Variants in EEFSEC observed in about 807,000 individuals in gnomAD.
EEFSEC encodes eukaryotic elongation factor, selenocysteine-tRNA specific.
Under a neutral mutation model 42.1 loss-of-function variants are expected in EEFSEC, and 43 were observed. The observed-to-expected ratio is 1.02, with a 90% confidence interval of 0.80 to 1.32. The LOEUF (loss-of-function observed/expected upper bound fraction) is 1.32, where lower values mean the gene tolerates loss of function less well. EEFSEC is among the 40% of genes most tolerant of loss of function. The probability of loss-of-function intolerance (pLI) is 0.00; values close to 1 mark genes in which losing one functional copy is unlikely to be tolerated. For synonymous variants in EEFSEC, 354 were observed against 339.1 expected (o/e 1.04, Z -0.48); for missense variants, 745 against 803.6 (o/e 0.93, Z 0.88).
chr3:128,404,703 C>A (rs1463137202), intron 6 of EEFSEC, among the ~76,000 whole-genome samples: 1 of 152,248 alleles, frequency 6.6e-6, no homozygotes, highest in Non-Finnish European at 1.5e-5. Context: ...GGGGGCAGAC[C>A]ACCTAGGTAT....
chr3:128,231,792 C>T (rs2065961426), intron 1 of EEFSEC, among the ~76,000 whole-genome samples: 1 of 152,176 alleles, frequency 6.6e-6, no homozygotes, highest in South Asian at 2.1e-4. Context: ...TTCAGCACTG[C>T]TGGGAAGGCT....
At chr3:128,219,179 C>T (rs2065839464) in intron 1 of EEFSEC, among the ~76,000 whole-genome samples, 1 of 152,258 alleles carries the variant, frequency 6.6e-6, no homozygotes, top group African/African-American at 2.4e-5. Flanking sequence ...CAGTGCTATC[C>T]TGGCCCCAGC....
In EEFSEC at chr3:128,272,219, C is replaced by T. The variant is rs34098422; in HGVS notation, c.786+7438C>T. On this transcript the variant is annotated intron_variant, in intron 4 of 6. Transcript: ENST00000254730. ...CCTTCAAATCCAAGATGCAGTGCTACTTGTGGTTGACTCCTGAACATCACG... is the reference window on the plus strand; with the variant it reads ...CCTTCAAATCCAAGATGCAGTGCTATTTGTGGTTGACTCCTGAACATCACG... 2.3e-3 allele frequency among the ~76,000 whole-genome samples: 352 copies of T among 152,340 alleles called. 2 individuals carry two copies. The highest frequency in any genetic ancestry group is 8.1e-3 in the African/African-American group (335 of 41,582).
rs1305466963 is a variant in EEFSEC at position 128,376,606 on chromosome 3, C to T, written c.1600+18233C>T. Among the ~76,000 whole-genome samples, 3 of 152,158 alleles carry T rather than the reference C, an allele frequency of 2.0e-5. No individual in the cohort carries two copies. The East Asian group carries it at 5.8e-4, about 29-fold the overall frequency. ...GGTGGGATTTGAAGGACCTCTGTCC[C>T]TTCAGCCATTGAAAACTGTTCCTCT... On this transcript the variant is annotated intron_variant, in intron 6 of 6. Transcript: ENST00000254730.
intron 1 of EEFSEC, among the ~76,000 whole-genome samples, chr3:128,234,354 A>AT (rs947462460): frequency 1.3e-5 from 2 of 151,950 alleles, no homozygotes; most frequent in African/African-American, 4.8e-5. Flanking sequence ...CTCCCAGCCC[A>AT]TTTTTTTCAT....
intron 4 of EEFSEC, among the ~76,000 whole-genome samples, chr3:128,300,385 C>T (rs968086901): frequency 5.3e-5 from 8 of 152,016 alleles, no homozygotes; most frequent in African/African-American, 1.7e-4. Context: ...GGGTGGATCA[C>T]GAGGTCAAGA....
intron 4 of EEFSEC, among the ~76,000 whole-genome samples, chr3:128,295,171 C>G (rs1419748550): frequency 6.6e-6 from 1 of 152,192 alleles, no homozygotes; most frequent in African/African-American, 2.4e-5. Context: ...CCAGGCACCC[C>G]CAAAATGTTT....
In EEFSEC at chr3:128,341,748, T is replaced by C; in HGVS notation, c.1302T>C (p.Asp434=). 6.2e-7 allele frequency: 1 copy of C among 1,614,104 alleles called. No individual in the cohort carries two copies. The highest frequency in any genetic ancestry group is 2.2e-5 in the East Asian group (1 of 44,888). ...GCCTGGTGATTGGCTCCAGGCTAGA[T>C]GCGGACATTCACACCAACACGTGCC... The part of the protein sequence containing the change: ...RLCLVIGSRL[D]ADIHTNTCRL... The change falls in exon 5 of 7, where the codon GAT becomes GAC. Residue 434 remains aspartate, a synonymous_variant. Coordinates refer to ENST00000254730, the MANE Select transcript of EEFSEC (RefSeq NM_021937.5).
intron 4 of EEFSEC, among the ~76,000 whole-genome samples, chr3:128,320,081 C>A (rs1156662225): frequency 6.6e-6 from 1 of 152,216 alleles, no homozygotes; most frequent in Non-Finnish European, 1.5e-5. Context: ...CTGCAGCCTG[C>A]CACCTGTTTT....
intron 1 of EEFSEC, among the ~76,000 whole-genome samples, chr3:128,169,554 C>T (rs899347413): frequency 3.3e-5 from 5 of 152,182 alleles, no homozygotes; most frequent in Non-Finnish European, 7.3e-5. Flanking sequence ...CATCCTTAGT[C>T]TTATTTCTGG....
rs116497848 is a variant in EEFSEC, at chr3:128,294,801, A to G, written c.786+30020A>G. Reference sequence around the variant, plus strand: ...AGGATTGGAAGATGCCATTCCAGACAGTTGGAATGGCAGACTGTTCTGATA... The same window carrying G: ...AGGATTGGAAGATGCCATTCCAGACGGTTGGAATGGCAGACTGTTCTGATA... On this transcript the variant is annotated intron_variant, in intron 4 of 6. Coordinates refer to ENST00000254730, the MANE Select transcript of EEFSEC (RefSeq NM_021937.5). 4.2e-3 allele frequency among the ~76,000 whole-genome samples: 642 copies of G among 152,340 alleles called. 6 individuals carry two copies. The highest frequency in any genetic ancestry group is 0.02 in the Middle Eastern group (6 of 294).
chr3:128,298,115 T>G (rs1162425566), intron 4 of EEFSEC, among the ~76,000 whole-genome samples: 2 of 152,258 alleles, frequency 1.3e-5, no homozygotes, highest in Non-Finnish European at 2.9e-5. Flanking sequence ...GGCATATGCC[T>G]GGATCATCTT....
intron 5 of EEFSEC, among the ~76,000 whole-genome samples, chr3:128,348,269 T>C (rs868479390): frequency 3.0e-5 from 4 of 133,028 alleles, no homozygotes; most frequent in East Asian, 2.3e-4. Context: ...TGTGTGTGTG[T>C]GCGTGTGCGT....
At chr3:128,245,579 G>A (rs963538511) in intron 1 of EEFSEC, among the ~76,000 whole-genome samples, 1 of 152,188 alleles carries the variant, frequency 6.6e-6, no homozygotes, top group Non-Finnish European at 1.5e-5. Flanking sequence ...GAGACACACC[G>A]TTCTGTGGGA....
At chr3:128,306,613 T>C (rs2066829986) in intron 4 of EEFSEC, among the ~76,000 whole-genome samples, 1 of 152,266 alleles carries the variant, frequency 6.6e-6, no homozygotes, top group Non-Finnish European at 1.5e-5. Context: ...ATCAAAATCA[T>C]TTTTAAAAGT....
At chr3:128,257,308 G>T (rs1178193943) in intron 2 of EEFSEC, among the ~76,000 whole-genome samples, 1 of 152,188 alleles carries the variant, frequency 6.6e-6, no homozygotes, top group Non-Finnish European at 1.5e-5. Context: ...TAATTCTGTT[G>T]TGAGTATTTG....
In EEFSEC at chr3:128,164,036, G is replaced by A. The variant is rs192135261; in HGVS notation, c.316+10213G>A. On this transcript the variant is annotated intron_variant, in intron 1 of 6. Coordinates refer to ENST00000254730, the MANE Select transcript of EEFSEC (RefSeq NM_021937.5). ...ATCTTAGCCATCTTAAGTGTACAGT[G>A]TGTGGCATGTGCTCCTCAGGCTGCC... 1.2e-4 allele frequency among the ~76,000 whole-genome samples: 18 copies of A among 152,222 alleles called. No individual in the cohort carries two copies. In the East Asian group the frequency reaches 3.3e-3, roughly 28 times the overall value.
intron 4 of EEFSEC, among the ~76,000 whole-genome samples, chr3:128,318,169 G>T (rs190025851): frequency 2.6e-5 from 4 of 152,248 alleles, no homozygotes; most frequent in Non-Finnish European, 5.9e-5. Flanking sequence ...CTTGCATGGC[G>T]CCCTCCCGTG....
At chr3:128,184,835 T>G (rs2955123) in intron 1 of EEFSEC, among the ~76,000 whole-genome samples, 4 of 152,110 alleles carry the variant, frequency 2.6e-5, no homozygotes, top group Non-Finnish European at 5.9e-5. Flanking sequence ...TATCACAAAC[T>G]CTGCAGTGAT....
Sources: gnomAD v4.1 joint callset for allele counts (sites outside exome capture counted in the v4.1 genomes callset) on GRCh38, gnomAD v4.1.1 for gene constraint, MANE v1.5 for transcripts, NCBI Gene and HGNC (gene_info 2026-07-23, HGNC 2026-07-21) for gene names.